Variants in MRPL3 observed in about 807,000 individuals in gnomAD.
MRPL3 encodes mitochondrial ribosomal protein L3.
MRPL3 carries 43 observed loss-of-function variants against 44.3 expected under a neutral mutation model. The ratio of observed to expected loss-of-function variants is 0.97; its 90% confidence interval spans 0.76 to 1.25. The LOEUF (loss-of-function observed/expected upper bound fraction) is 1.25, where lower values mean the gene tolerates loss of function less well. MRPL3 is among the 50% of genes most tolerant of loss of function. MRPL3 has a pLI of 0.00. For missense variants in MRPL3, 406 were observed against 427.6 expected (o/e 0.95, Z 0.45); for synonymous variants, 171 against 152.3 (o/e 1.12, Z -0.91).
At chr3:131,465,371 T>C (rs992276333) in intron 9 of MRPL3, among the ~76,000 whole-genome samples, 5 of 152,218 alleles carry the variant, frequency 3.3e-5, no homozygotes, top group African/African-American at 1.2e-4. Context: ...CAACTATTTA[T>C]ACAACTACAT....
chr3:131,468,796 T>C (rs1582701464), intron 8 of MRPL3, among the ~76,000 whole-genome samples: 1 of 151,926 alleles, frequency 6.6e-6, no homozygotes, highest in East Asian at 1.9e-4. Flanking sequence ...ATAAATGTAA[T>C]AGAAGGGGTA....
chr3:131,497,222 C>T (rs1342794391), intron 4 of MRPL3, among the ~76,000 whole-genome samples: 1 of 152,220 alleles, frequency 6.6e-6, no homozygotes, highest in Non-Finnish European at 1.5e-5. Context: ...TGGTGTCTGT[C>T]GCTCTACCTT....
At chr3:131,469,895 T>C in intron 7 of MRPL3, 122 bp from the exon 8 acceptor site, 1 of 617,298 alleles carries the variant, frequency 1.6e-6, no homozygotes, top group South Asian at 2.5e-5. Flanking sequence ...CCTATTCTGC[T>C]AGGTCCCAAG....
At chr3:131,487,646 CA>C (rs1373356394) in intron 6 of MRPL3, 33 bp downstream of exon 6, 1 of 1,546,470 alleles carries the variant, frequency 6.5e-7, no homozygotes, top group Non-Finnish European at 8.9e-7. Context: ...TAGATGAAAA[CA>C]AAAGGAAAAG....
chr3:131,495,693 C>T (rs1158319760), intron 4 of MRPL3, among the ~76,000 whole-genome samples: 1 of 152,078 alleles, frequency 6.6e-6, no homozygotes, highest in Non-Finnish European at 1.5e-5. Context: ...ATTATTAGTA[C>T]TGTTATAGTA....
At chr3:131,463,000 CATAA>C (rs1323800252) in intron 9 of MRPL3, 125 bp from the exon 10 acceptor site, 2 of 750,072 alleles carry the variant, frequency 2.7e-6, no homozygotes, top group African/African-American at 1.8e-5. Context: ...ACAACTGTTA[CATAA>C]ATAGAGTAAA....
At chr3:131,502,234 G>A (rs921846677) in intron 1 of MRPL3, among the ~76,000 whole-genome samples, 3 of 152,124 alleles carry the variant, frequency 2.0e-5, no homozygotes, top group Non-Finnish European at 4.4e-5. Flanking sequence ...AGGAAGAAGG[G>A]GTGTAATTCT....
At chr3:131,482,989 T>C (rs558603526) in intron 6 of MRPL3, among the ~76,000 whole-genome samples, 20 of 48,176 alleles carry the variant, frequency 4.2e-4, no homozygotes, top group East Asian at 1.6e-3. Flanking sequence ...CATTCTTCTT[T>C]TTTTTTTTTT....
At chr3:131,493,543 T>C (rs1253557906) in intron 4 of MRPL3, among the ~76,000 whole-genome samples, 1 of 152,174 alleles carries the variant, frequency 6.6e-6, no homozygotes, top group Non-Finnish European at 1.5e-5. Context: ...AGTGGCAAGT[T>C]AGACAATAAA....
chr3:131,481,359 A>G (rs1209753338), intron 6 of MRPL3, among the ~76,000 whole-genome samples: 1 of 152,248 alleles, frequency 6.6e-6, no homozygotes, highest in Non-Finnish European at 1.5e-5. Flanking sequence ...AGCAACATCA[A>G]TAATAGTGAT....
chr3:131,476,195 T>A (rs1483081965), intron 6 of MRPL3, among the ~76,000 whole-genome samples: 3 of 152,226 alleles, frequency 2.0e-5, no homozygotes, highest in Non-Finnish European at 4.4e-5. Context: ...AGCTCTAGAA[T>A]ACATCATGTA....
intron 6 of MRPL3, among the ~76,000 whole-genome samples, chr3:131,485,805 G>A (rs1175559343): frequency 6.6e-6 from 1 of 152,216 alleles, no homozygotes; most frequent in East Asian, 1.9e-4. Flanking sequence ...TAGGAAGAAT[G>A]CATCTTAACC....
At chr3:131,475,443 T>C (rs994063639) in intron 6 of MRPL3, among the ~76,000 whole-genome samples, 21 of 152,264 alleles carry the variant, frequency 1.4e-4, no homozygotes, top group African/African-American at 5.1e-4. Flanking sequence ...GAGGGCTGCT[T>C]GAGGTCAGGG....
intron 1 of MRPL3, 164 bp from the exon 2 acceptor site, chr3:131,501,879 C>T (rs2079242890): frequency 2.6e-6 from 4 of 1,540,808 alleles, no homozygotes; most frequent in Non-Finnish European, 3.5e-6. Flanking sequence ...CCTCACTCCC[C>T]ACATTCCTTC....
chr3:131,484,908 C>A (rs1934082739), intron 6 of MRPL3, among the ~76,000 whole-genome samples: 1 of 152,194 alleles, frequency 6.6e-6, no homozygotes, highest in Non-Finnish European at 1.5e-5. Context: ...TGCACACACA[C>A]ATGCGAGGAA....
chr3:131,482,209 C>T (rs374180088), intron 6 of MRPL3, among the ~76,000 whole-genome samples: 1 of 152,072 alleles, frequency 6.6e-6, no homozygotes, highest in East Asian at 1.9e-4. Context: ...ATCTCCTCCA[C>T]CCCCCTCCCC....
At chr3:131,489,704 TAA>T (rs1395015786) in intron 5 of MRPL3, among the ~76,000 whole-genome samples, 1 of 152,092 alleles carries the variant, frequency 6.6e-6, no homozygotes, top group Non-Finnish European at 1.5e-5. Flanking sequence ...CTTTGAATTT[TAA>T]AAGTTAGTGT....
At chr3:131,490,710 T>C (rs906038353) in intron 4 of MRPL3, among the ~76,000 whole-genome samples, 2 of 152,228 alleles carry the variant, frequency 1.3e-5, no homozygotes, top group Non-Finnish European at 2.9e-5. Flanking sequence ...CCAGCACTAA[T>C]ATATTAACAG....
intron 6 of MRPL3, among the ~76,000 whole-genome samples, chr3:131,481,986 G>A (rs1933998575): frequency 6.6e-6 from 1 of 152,172 alleles, no homozygotes; most frequent in African/African-American, 2.4e-5. Context: ...TGTGGGCAGA[G>A]TTTCTGACAG....
Sources: gnomAD v4.1 joint callset for allele counts (sites outside exome capture counted in the v4.1 genomes callset) on GRCh38, gnomAD v4.1.1 for gene constraint, MANE v1.5 for transcripts, NCBI Gene and HGNC (gene_info 2026-07-23, HGNC 2026-07-21) for gene names.